TTC28: variants seen among roughly 807,000 people sequenced by gnomAD.
TTC28 encodes the protein tetratricopeptide repeat domain 28.
A neutral mutation model predicts 198.0 loss-of-function variants in TTC28; 61 were observed. The observed-to-expected ratio is 0.31, with a 90% CI of 0.25 to 0.38. The LOEUF (loss-of-function observed/expected upper bound fraction) is 0.38, where lower values mean the gene tolerates loss of function less well. Ranked by LOEUF, TTC28 falls within the 10% of genes least tolerant of loss-of-function variation. The pLI is 1.00. For missense variants in TTC28, 2,678 were observed against 3,164.0 expected, an observed-to-expected ratio of 0.85 and a Z score of 3.69; for synonymous variants, 1,171 against 1,297.8, an observed-to-expected ratio of 0.90 and a Z score of 2.10.
At chr22:28,531,971 T>A (rs2145901667) in intron 2 of TTC28, among the ~76,000 whole-genome samples, 1 of 152,202 alleles carries the variant, frequency 6.6e-6, no homozygotes, top group Admixed American at 6.5e-5. Context: ...AGATCTAAAA[T>A]TGACACCCTA....
At chr22:28,515,947 C>T (rs1194209993) in intron 2 of TTC28, among the ~76,000 whole-genome samples, 1 of 152,046 alleles carries the variant, frequency 6.6e-6, no homozygotes, top group Admixed American at 6.6e-5. Context: ...AAGTTCAAGA[C>T]CAGCCTGGCC....
chr22:28,043,242 C>A (rs1457683047), intron 12 of TTC28, among the ~76,000 whole-genome samples: 20 of 65,558 alleles, frequency 3.1e-4, no homozygotes, highest in African/African-American at 9.8e-4. Flanking sequence ...GACTCCATCT[C>A]AAAAAAAAAA....
At chr22:28,645,691 G>T (rs532114419) in intron 1 of TTC28, among the ~76,000 whole-genome samples, 20 of 151,068 alleles carry the variant, frequency 1.3e-4, no homozygotes, top group Admixed American at 1.2e-3. Context: ...ATGCTGGGAT[G>T]GTTCAACATG....
intron 5 of TTC28, among the ~76,000 whole-genome samples, chr22:28,225,575 A>G (rs1367422498): frequency 6.6e-6 from 1 of 152,206 alleles, no homozygotes; most frequent in Non-Finnish European, 1.5e-5. Context: ...GACCTAAAGA[A>G]GGGTAGAATT....
intron 2 of TTC28, among the ~76,000 whole-genome samples, chr22:28,367,457 T>C (rs1349398557): frequency 6.6e-6 from 1 of 151,928 alleles, no homozygotes; most frequent in Non-Finnish European, 1.5e-5. Flanking sequence ...GGGAAATTTA[T>C]GACTATAAGT....
In TTC28 at chr22:28,034,423, T is replaced by G. The variant is rs569336252; in HGVS notation, c.3933-4057A>C. ...GACCCTTGGCCCTGCCTACCTCTCT[T>G]GCCCTCCAGACTTGGCCACACGATC... On this transcript the variant is annotated intron_variant, in intron 12 of 22. Coordinates refer to ENST00000397906, the MANE Select transcript of TTC28 (RefSeq NM_001145418.2). Among the ~76,000 whole-genome samples the G allele has an allele frequency of 2.6e-5, 4 of 152,310 alleles. No individual in the cohort carries two copies. The South Asian group carries it at 8.3e-4, about 32-fold the overall frequency.
At chr22:28,355,376 A>T (rs989599184) in intron 2 of TTC28, among the ~76,000 whole-genome samples, 1 of 152,208 alleles carries the variant, frequency 6.6e-6, no homozygotes, top group African/African-American at 2.4e-5. Flanking sequence ...GTTTAAATTG[A>T]TTTTATGACC....
At chr22:28,399,688 C>T (rs1380035582) in intron 2 of TTC28, among the ~76,000 whole-genome samples, 1 of 152,156 alleles carries the variant, frequency 6.6e-6, no homozygotes, top group Non-Finnish European at 1.5e-5. Context: ...ATCTTAAATA[C>T]TATCAGTTCA....
chr22:28,123,038 C>T (rs1942826925), intron 6 of TTC28, among the ~76,000 whole-genome samples: 1 of 152,150 alleles, frequency 6.6e-6, no homozygotes, highest in South Asian at 2.1e-4. Context: ...AACAAAGGAG[C>T]CAAAGAAGGG....
chr22:28,242,625 T>TA (rs1276650122), intron 5 of TTC28, among the ~76,000 whole-genome samples: 1 of 152,208 alleles, frequency 6.6e-6, no homozygotes, highest in African/African-American at 2.4e-5. Flanking sequence ...TTCTATATCT[T>TA]AAGGTTATTG....
At chr22:28,443,368 G>T (rs756267952) in intron 2 of TTC28, among the ~76,000 whole-genome samples, 5 of 152,138 alleles carry the variant, frequency 3.3e-5, no homozygotes, top group Non-Finnish European at 5.9e-5. Flanking sequence ...CTCACGCGCA[G>T]CCTGGAGCAA....
chr22:28,174,253 AG>A (rs760474555), intron 5 of TTC28, among the ~76,000 whole-genome samples: 2 of 152,240 alleles, frequency 1.3e-5, no homozygotes, highest in Non-Finnish European at 2.9e-5. Flanking sequence ...AGCCTTCATG[AG>A]TACTAAATAA....
At position 28,090,657 on chromosome 22, in the gene TTC28, C is replaced by T. The variant is rs1008243335; in HGVS notation, c.3932+3423G>A. Among the ~76,000 whole-genome samples the T allele has an allele frequency of 1.8e-4, 28 of 152,256 alleles. No homozygotes were observed. The East Asian group carries it at 2.5e-3, about 14-fold the overall frequency. On this transcript the variant is annotated intron_variant, in intron 12 of 22. Coordinates refer to ENST00000397906, the MANE Select transcript of TTC28 (RefSeq NM_001145418.2). The stretch of plus-strand genomic sequence containing the variant: ...AATGCAAAATCCAGGTATATCCCTA[C>T]GATATGAGCCTGCTCATTCACTGCA...
intron 6 of TTC28, among the ~76,000 whole-genome samples, chr22:28,162,168 C>G (rs1601407254): frequency 6.6e-6 from 1 of 152,104 alleles, no homozygotes; most frequent in Non-Finnish European, 1.5e-5. Context: ...TGCCAGTTAC[C>G]AATTACTTGT....
chr22:28,162,337 A>C (rs1370439034), intron 6 of TTC28, among the ~76,000 whole-genome samples: 1 of 152,232 alleles, frequency 6.6e-6, no homozygotes, highest in Non-Finnish European at 1.5e-5. Context: ...TTTTGAATAC[A>C]CATAATTTTG....
In TTC28 at chr22:28,217,216, A is replaced by G. The variant is rs560587362; in HGVS notation, c.934-53617T>C. Reference sequence around the variant, plus strand: ...AATGACTACACAAGATACACACTGCATATCAAAAGAGCTCATGTACCCTAT... The same window carrying G: ...AATGACTACACAAGATACACACTGCGTATCAAAAGAGCTCATGTACCCTAT... On this transcript the variant is annotated intron_variant, in intron 5 of 22. Coordinates refer to ENST00000397906, the MANE Select transcript of TTC28 (RefSeq NM_001145418.2). Among the ~76,000 whole-genome samples the G allele has an allele frequency of 3.1e-3, 473 of 152,294 alleles. 6 individuals carry two copies. Among genetic ancestry groups the G allele is most frequent in the African/African-American group, 0.011 (452 of 41,558 alleles).
chr22:28,541,864 T>A (rs1431184459), intron 2 of TTC28, among the ~76,000 whole-genome samples: 2 of 152,000 alleles, frequency 1.3e-5, no homozygotes, highest in African/African-American at 4.8e-5. Flanking sequence ...CAAAGCAAGA[T>A]GATCTCTTGA....
At chr22:28,574,119 T>C (rs2050106605) in intron 2 of TTC28, among the ~76,000 whole-genome samples, 1 of 152,150 alleles carries the variant, frequency 6.6e-6, no homozygotes, top group African/African-American at 2.4e-5. Flanking sequence ...GCTCAGGTGA[T>C]CCTCCCATGT....
At chr22:28,185,401 A>G (rs1569184503) in intron 5 of TTC28, among the ~76,000 whole-genome samples, 1 of 152,192 alleles carries the variant, frequency 6.6e-6, no homozygotes, top group African/African-American at 2.4e-5. Flanking sequence ...TATGTTTGTT[A>G]TAACACTCTT....
Sources: gnomAD v4.1 joint callset for allele counts (sites outside exome capture counted in the v4.1 genomes callset) on GRCh38, gnomAD v4.1.1 for gene constraint, MANE v1.5 for transcripts, NCBI Gene and HGNC (gene_info 2026-07-23, HGNC 2026-07-21) for gene names.